ERI1: variants seen among roughly 807,000 people sequenced by gnomAD.
ERI1 encodes the protein exoribonuclease 1.
Under a neutral mutation model 39.7 loss-of-function variants are expected in ERI1, and 39 were observed. The observed-to-expected ratio is 0.98, with a 90% CI of 0.76 to 1.28. The LOEUF (loss-of-function observed/expected upper bound fraction) is 1.28. ERI1 is among the 50% of genes most tolerant of loss of function. The pLI, the probability that ERI1 is intolerant of heterozygous loss-of-function variation, is 0.00. For synonymous variants in ERI1, 204 were observed against 149.6 expected (o/e 1.36, Z -2.65); for missense variants, 581 against 416.9 (o/e 1.39, Z -3.43).
At position 9,021,782 on chromosome 8, in the gene ERI1, T is replaced by G. The variant is rs1432472609; in HGVS notation, c.807+1318T>G. The stretch of plus-strand genomic sequence containing the variant: ...TATTATTTGTTTTTTTTGTTTTTTT[T>G]TTTTTTTCAATATTATGCTTGAGAT... On this transcript the variant is annotated intron_variant, in intron 6 of 6. Transcript: ENST00000250263. Among the ~76,000 whole-genome samples the G allele has an allele frequency of 4.4e-5, 6 of 136,240 alleles. 1 individual carries two copies. Among genetic ancestry groups the G allele is most frequent in the South Asian group, 2.2e-4 (1 of 4,546 alleles). The allele number at this position is 136,240 out of a possible 152,430, so 89.4% of individuals were successfully genotyped here.
At chr8:9,034,580 A>G (rs144779757), downstream of ERI1, among the ~76,000 whole-genome samples, 104 of 152,180 alleles carry the variant, frequency 6.8e-4, no homozygotes, top group African/African-American at 2.3e-3. Context: ...GACCACACCC[A>G]TATAAGACAA....
chr8:9,020,991 T>C (rs923381228), intron 6 of ERI1, among the ~76,000 whole-genome samples: 3 of 152,206 alleles, frequency 2.0e-5, no homozygotes, highest in Non-Finnish European at 4.4e-5. Context: ...TTCTTGACTT[T>C]TCAGTTTGCG....
intron 3 of ERI1, among the ~76,000 whole-genome samples, chr8:9,016,070 ATAAT>A (rs902513372): frequency 4.6e-5 from 7 of 152,192 alleles, no homozygotes; most frequent in Admixed American, 6.5e-5. Flanking sequence ...CCTCAGGAAA[ATAAT>A]TAAATTTTGG....
intron 3 of ERI1, among the ~76,000 whole-genome samples, chr8:9,075,376 C>T (rs1319209663): frequency 6.6e-6 from 1 of 152,064 alleles, no homozygotes; most frequent in East Asian, 1.9e-4. Flanking sequence ...GGTTTGGAGA[C>T]TGATGAGAGA....
chr8:9,051,939 G>A (rs1341956306), intron 3 of ERI1, among the ~76,000 whole-genome samples: 1 of 152,214 alleles, frequency 6.6e-6, no homozygotes, highest in South Asian at 2.1e-4. Context: ...ATGGTGTAAG[G>A]ATTGAGAGCC....
chr8:9,073,855 A>G (rs991889264), intron 3 of ERI1, among the ~76,000 whole-genome samples: 1 of 152,196 alleles, frequency 6.6e-6, no homozygotes, highest in Non-Finnish European at 1.5e-5. Flanking sequence ...CTTATTCACA[A>G]CTAGCTTCTT....
At chr8:9,021,439 A>G (rs530837393) in intron 6 of ERI1, among the ~76,000 whole-genome samples, 147 of 152,188 alleles carry the variant, frequency 9.7e-4, no homozygotes, top group African/African-American at 3.5e-3. Context: ...TTACAGTTTC[A>G]TTTTGGAGAA....
intron 3 of ERI1, among the ~76,000 whole-genome samples, chr8:9,076,082 G>A (rs1003406980): frequency 3.3e-5 from 5 of 152,024 alleles, no homozygotes; most frequent in African/African-American, 1.2e-4. Context: ...GACTATGAGT[G>A]TATTCCTCCA....
In ERI1 at chr8:9,030,467, C is replaced by G. The variant is rs1415148490; in HGVS notation, c.*433C>G. On this transcript the variant is annotated 3_prime_UTR_variant, in exon 7 of 7. Coordinates refer to ENST00000250263, the MANE Select transcript of ERI1 (RefSeq NM_153332.4). ...GATTGGAAGGTAGATCTTATCTAGCCTTTGGATTTCAAGAATATCATAGTC... is the reference window on the plus strand; with the variant it reads ...GATTGGAAGGTAGATCTTATCTAGCGTTTGGATTTCAAGAATATCATAGTC... The G allele has an allele frequency of 6.0e-6, 1 of 166,368 alleles. No homozygotes were observed. The highest frequency in any genetic ancestry group is 1.5e-4 in the East Asian group (1 of 6,586). 10.3% of individuals were successfully genotyped at this position (166,368 alleles called of 1,614,324 possible). A position where few individuals can be genotyped will look rare whatever the true frequency, so the allele number is the denominator to read the frequency against.
chr8:9,091,554 A>G (rs1799706632), intron 3 of ERI1: 1 of 152,168 alleles, frequency 6.6e-6, no homozygotes, highest in African/African-American at 2.4e-5. Flanking sequence ...TATTGTGCTC[A>G]AATAAAAATG....
At chr8:9,035,300 C>T (rs55634245), downstream of ERI1, among the ~76,000 whole-genome samples, 20,479 of 152,220 alleles carry the variant, frequency 0.13, 1,498 homozygotes, top group Middle Eastern at 0.17. Context: ...AAGATAACAT[C>T]TAGGACTTTG....
chr8:9,068,518 A>C (rs1426608421), intron 3 of ERI1, among the ~76,000 whole-genome samples: 1 of 152,106 alleles, frequency 6.6e-6, no homozygotes, highest in Admixed American at 6.5e-5. Flanking sequence ...TGTCTTATGA[A>C]TGCTGAGTGG....
At chr8:9,034,801 C>T (rs750347280), downstream of ERI1, among the ~76,000 whole-genome samples, 10 of 152,044 alleles carry the variant, frequency 6.6e-5, no homozygotes, top group Non-Finnish European at 1.0e-4. Flanking sequence ...AAAGCTAAGA[C>T]GGGCTGAAAG....
chr8:9,083,103 G>C (rs7000799), intron 3 of ERI1, among the ~76,000 whole-genome samples: 59,480 of 151,912 alleles, frequency 0.39, 12,901 homozygotes, highest in African/African-American at 0.57. Context: ...TTTTTTATTT[G>C]CTGATAACCC....
intron 3 of ERI1, among the ~76,000 whole-genome samples, chr8:9,042,709 T>C (rs61419435): frequency 0.014 from 2,128 of 152,310 alleles, 40 homozygotes; most frequent in African/African-American, 0.048. Flanking sequence ...TGAGCATCCC[T>C]AGTGCGAGAA....
intron 3 of ERI1, among the ~76,000 whole-genome samples, chr8:9,083,575 G>T (rs895173635): frequency 7.3e-5 from 11 of 151,572 alleles, no homozygotes; most frequent in Admixed American, 5.3e-4. Flanking sequence ...GCCTCATGAT[G>T]CTCACTTTGG....
chr8:9,049,546 A>T (rs1030836912), intron 3 of ERI1, among the ~76,000 whole-genome samples: 1 of 55,928 alleles, frequency 1.8e-5, no homozygotes, highest in Non-Finnish European at 5.3e-5. Flanking sequence ...TTTTGACTTT[A>T]AAAAAAAAAG....
chr8:9,028,973 GTTTTTTTT>G (rs34569795), intron 6 of ERI1, among the ~76,000 whole-genome samples: 8 of 113,092 alleles, frequency 7.1e-5, no homozygotes, highest in South Asian at 6.3e-4. Flanking sequence ...GAGTGTGAGA[GTTTTTTTT>G]TTTTTTTTTT....
intron 3 of ERI1, among the ~76,000 whole-genome samples, chr8:9,099,316 A>C (rs965863787): frequency 6.6e-6 from 1 of 151,050 alleles, no homozygotes; most frequent in Admixed American, 6.6e-5. Context: ...AAATCATCAT[A>C]CAGGGCCAGG....
Sources: gnomAD v4.1 joint callset for allele counts (sites outside exome capture counted in the v4.1 genomes callset) on GRCh38, gnomAD v4.1.1 for gene constraint, MANE v1.5 for transcripts, NCBI Gene and HGNC (gene_info 2026-07-23, HGNC 2026-07-21) for gene names.